NEK10: variants seen among roughly 807,000 people sequenced by gnomAD.
NEK10 encodes the protein serine/threonine-protein kinase Nek10.
In NEK10, 122 loss-of-function variants were observed where a neutral mutation model predicts 159.8. The observed-to-expected ratio is 0.76, with a 90% CI of 0.66 to 0.89. NEK10 has a LOEUF of 0.89. NEK10 is among the 40% of genes least tolerant of loss of function. The probability of loss-of-function intolerance (pLI) is 0.00; values close to 1 mark genes in which losing one functional copy is unlikely to be tolerated. For missense variants in NEK10, 1,342 were observed against 1,323.1 expected (o/e 1.01, Z -0.22); for synonymous variants, 466 against 457.1 (o/e 1.02, Z -0.25).
At chr3:27,195,682 GCTTA>G (rs1170903639) in intron 25 of NEK10, among the ~76,000 whole-genome samples, 1 of 152,178 alleles carries the variant, frequency 6.6e-6, no homozygotes, top group Non-Finnish European at 1.5e-5. Flanking sequence ...GCGAAATGCT[GCTTA>G]CTATTTGAGA....
At chr3:27,165,215 T>C (rs1189068955) in intron 29 of NEK10, among the ~76,000 whole-genome samples, 1 of 152,190 alleles carries the variant, frequency 6.6e-6, no homozygotes, top group Non-Finnish European at 1.5e-5. Context: ...GAAAATAAAA[T>C]GTCAATTTCT....
intron 23 of NEK10, among the ~76,000 whole-genome samples, chr3:27,230,058 C>T (rs1953071443): frequency 6.6e-6 from 1 of 151,994 alleles, no homozygotes; most frequent in South Asian, 2.1e-4. Flanking sequence ...ATCACAAAAG[C>T]ACATAGTTAT....
intron 30 of NEK10, among the ~76,000 whole-genome samples, chr3:27,154,702 G>A (rs927627784): frequency 7.2e-5 from 11 of 152,072 alleles, no homozygotes; most frequent in Admixed American, 5.9e-4. Context: ...AAAATCAAAT[G>A]ATCATCACAA....
At chr3:27,306,009 C>T (rs1488175652) in intron 11 of NEK10, among the ~76,000 whole-genome samples, 1 of 152,146 alleles carries the variant, frequency 6.6e-6, no homozygotes, top group Non-Finnish European at 1.5e-5. Flanking sequence ...TCCACAAGTA[C>T]TCTCCATACT....
chr3:27,360,107 G>T (rs1002918573), intron 1 of NEK10, among the ~76,000 whole-genome samples: 1 of 152,120 alleles, frequency 6.6e-6, no homozygotes, highest in Admixed American at 6.6e-5. Context: ...AAGGACATCT[G>T]GTTCTCTAGT....
intron 30 of NEK10, among the ~76,000 whole-genome samples, chr3:27,145,111 C>T (rs1357245): frequency 0.36 from 54,651 of 150,984 alleles, 12,040 homozygotes; most frequent in East Asian, 0.75. Context: ...CCACTGAAAA[C>T]GCTACACTTT....
At chr3:27,330,863 G>C (rs2046343330) in intron 5 of NEK10, among the ~76,000 whole-genome samples, 2 of 152,096 alleles carry the variant, frequency 1.3e-5, no homozygotes. Flanking sequence ...AAAGAGATGA[G>C]GCCAAGAAGG....
Position 27,174,808 on chromosome 3 carries a change from C to G in NEK10, c.2531G>C (p.Ser844Thr), listed in dbSNP as rs368554285. Residue 844 changes from serine (S) to threonine (T), a missense_variant, in exon 27 of 36, where the codon AGT becomes ACT. By Grantham distance (58) the Ser-to-Thr change is moderately conservative. Coordinates refer to ENST00000691995, the MANE Select transcript of NEK10 (RefSeq NM_001394966.1). The stretch of plus-strand genomic sequence containing the variant: ...GCTGGCTGCTCCACTGCTGCTGCTA[C>G]TCAAACTTGCCTTCTCAAAGGTCTC... ...SHETFEKASL[S>T]SSSSGAASLK... 42 of 1,598,990 alleles carry G rather than the reference C, an allele frequency of 2.6e-5. No individual in the cohort carries two copies. Among genetic ancestry groups the G allele is most frequent in the Admixed American group, 3.6e-5 (2 of 56,108 alleles).
intron 1 of NEK10, among the ~76,000 whole-genome samples, chr3:27,365,675 C>T (rs191743360): frequency 3.1e-5 from 4 of 127,860 alleles, no homozygotes; most frequent in East Asian, 2.3e-4. Flanking sequence ...TGCAGTAGCA[C>T]GATCTCAGCT....
chr3:27,285,862 G>A (rs1247609344), intron 20 of NEK10, among the ~76,000 whole-genome samples: 1 of 151,950 alleles, frequency 6.6e-6, no homozygotes, highest in Non-Finnish European at 1.5e-5. Flanking sequence ...TGGTTGTATG[G>A]TATTGCACAA....
chr3:27,166,504 C>G (rs1946491118), intron 29 of NEK10, among the ~76,000 whole-genome samples: 1 of 151,946 alleles, frequency 6.6e-6, no homozygotes, highest in Non-Finnish European at 1.5e-5. Flanking sequence ...AAACCAGATA[C>G]AGATTATGAA....
intron 6 of NEK10, among the ~76,000 whole-genome samples, chr3:27,320,979 C>T (rs1048279983): frequency 6.6e-6 from 1 of 152,142 alleles, no homozygotes; most frequent in African/African-American, 2.4e-5. Flanking sequence ...AATAAGATAG[C>T]TCCCACTGGG....
intron 25 of NEK10, among the ~76,000 whole-genome samples, chr3:27,198,034 T>C (rs1024499361): frequency 6.6e-6 from 1 of 151,590 alleles, no homozygotes; most frequent in African/African-American, 2.4e-5. Context: ...CCATTTACAA[T>C]TGCCAAAAAA....
At chr3:27,134,216 C>G (rs919309502) in intron 31 of NEK10, among the ~76,000 whole-genome samples, 1 of 152,102 alleles carries the variant, frequency 6.6e-6, no homozygotes, top group African/African-American at 2.4e-5. Flanking sequence ...AGAATAGAAA[C>G]AGACATGAAG....
chr3:27,341,776 G>C (rs1179137546), intron 5 of NEK10, among the ~76,000 whole-genome samples: 2 of 152,142 alleles, frequency 1.3e-5, no homozygotes, highest in Non-Finnish European at 2.9e-5. Context: ...TGGAGTTGGG[G>C]TAAGTAAAAT....
chr3:27,115,648 C>T (rs1306934975), intron 35 of NEK10, among the ~76,000 whole-genome samples: 1 of 152,160 alleles, frequency 6.6e-6, no homozygotes, highest in Non-Finnish European at 1.5e-5. Context: ...AAAAACCAAT[C>T]TAGAAATGCT....
intron 26 of NEK10, among the ~76,000 whole-genome samples, chr3:27,189,490 T>G (rs1242492674): frequency 6.6e-6 from 1 of 152,148 alleles, no homozygotes; most frequent in African/African-American, 2.4e-5. Flanking sequence ...TATCACTGGA[T>G]TGTGTAACTG....
intron 30 of NEK10, among the ~76,000 whole-genome samples, chr3:27,142,942 T>C (rs1943928613): frequency 6.6e-6 from 1 of 152,238 alleles, no homozygotes; most frequent in African/African-American, 2.4e-5. Context: ...AAAGAGTCTC[T>C]ATCCCATGGA....
chr3:27,238,317 T>C (rs2149247098), intron 23 of NEK10, among the ~76,000 whole-genome samples: 1 of 152,316 alleles, frequency 6.6e-6, no homozygotes, highest in African/African-American at 2.4e-5. Context: ...TGTGTTCACA[T>C]AGAAAGGAAT....
Sources: gnomAD v4.1 joint callset for allele counts (sites outside exome capture counted in the v4.1 genomes callset) on GRCh38, gnomAD v4.1.1 for gene constraint, MANE v1.5 for transcripts, NCBI Gene and HGNC (gene_info 2026-07-23, HGNC 2026-07-21) for gene names.